Variants in DPP4 observed in about 807,000 individuals in gnomAD.
DPP4 encodes the protein ADCP-2.
DPP4 carries 93 observed loss-of-function variants against 122.4 expected under a neutral mutation model. That is an observed-to-expected ratio of 0.76 (90% CI 0.64 to 0.90). DPP4 has a LOEUF of 0.90. Ranked by LOEUF, DPP4 falls within the 40% of genes least tolerant of loss-of-function variation. DPP4 has a pLI of 0.00. For missense variants in DPP4, 914 were observed against 907.3 expected (o/e 1.01, Z -0.09); for synonymous variants, 321 against 302.9 (o/e 1.06, Z -0.62).
At chr2:161,998,137 C>G (rs562166856) in intron 23 of DPP4, among the ~76,000 whole-genome samples, 1 of 152,264 alleles carries the variant, frequency 6.6e-6, no homozygotes, top group East Asian at 1.9e-4. Context: ...TGTGACTACG[C>G]AAGTGACGTA....
chr2:162,019,900 C>T (rs1185416659), intron 14 of DPP4, among the ~76,000 whole-genome samples: 1 of 152,126 alleles, frequency 6.6e-6, no homozygotes, highest in Non-Finnish European at 1.5e-5. Context: ...CTTTCCAAGC[C>T]TTCCAAAAAA....
intron 2 of DPP4, among the ~76,000 whole-genome samples, chr2:162,057,761 C>T (rs1684624785): frequency 1.3e-5 from 2 of 152,092 alleles, no homozygotes; most frequent in South Asian, 4.2e-4. Flanking sequence ...AATCTCTCTG[C>T]TGAAATATCT....
At chr2:162,022,913 C>A in intron 11 of DPP4, 114 bp from the exon 12 acceptor site, 1 of 1,003,518 alleles carries the variant, frequency 1.0e-6, no homozygotes, top group South Asian at 1.3e-5. Flanking sequence ...AGAGCTATCT[C>A]CATTCATATA....
intron 9 of DPP4, among the ~76,000 whole-genome samples, chr2:162,033,893 T>TATATATATATATATATATAC (rs1491588211): frequency 1.4e-5 from 2 of 138,582 alleles, no homozygotes; most frequent in African/African-American, 5.5e-5. Context: ...TATATATATA[T>TATATATATATATATATATAC]ACACACTATA....
At chr2:162,008,989 T>A (rs1473357483) in intron 21 of DPP4, among the ~76,000 whole-genome samples, 1 of 151,938 alleles carries the variant, frequency 6.6e-6, no homozygotes, top group East Asian at 1.9e-4. Flanking sequence ...TCTCCCTCCT[T>A]CCTTCCCTTC....
At chr2:162,022,172 C>A (rs1256955782) in intron 12 of DPP4, among the ~76,000 whole-genome samples, 1 of 152,114 alleles carries the variant, frequency 6.6e-6, no homozygotes, top group East Asian at 1.9e-4. Flanking sequence ...TAATTCTGTG[C>A]AATGTGTATA....
At chr2:161,996,440 A>G (rs1026651826) in intron 23 of DPP4, among the ~76,000 whole-genome samples, 2 of 152,212 alleles carry the variant, frequency 1.3e-5, no homozygotes, top group African/African-American at 4.8e-5. Flanking sequence ...ATATCTCTGT[A>G]GCTCATATCA....
At position 162,016,863 on chromosome 2, in the gene DPP4, A is replaced by G; in HGVS notation, c.1472T>C (p.Leu491Pro). The G allele has an allele frequency of 6.2e-7, 1 of 1,609,228 alleles. No individual in the cohort carries two copies. The highest frequency in any genetic ancestry group is 8.5e-7 in the Non-Finnish European group (1 of 1,178,632). ...TLHSSVNDKGLRVLEDNSALD... is the reference protein window; with the variant it reads ...TLHSSVNDKGPRVLEDNSALD... ...AGCTGAATTGTCTTCCAGGACTCTC[A>G]GCCCTAAAGAAATACAGGAGACAGC... Residue 491 changes from leucine (L) to proline (P), a missense_variant, in exon 18 of 26, where the codon CTG (leucine) becomes CCG (proline). Coordinates refer to ENST00000360534, the MANE Select transcript of DPP4 (RefSeq NM_001935.4).
chr2:162,023,581 G>A (rs755541945), intron 11 of DPP4, among the ~76,000 whole-genome samples: 4 of 152,200 alleles, frequency 2.6e-5, no homozygotes, highest in East Asian at 3.9e-4. Context: ...CTCAGCACAC[G>A]GCAACTTACC....
At chr2:162,059,951 C>A (rs896269556) in intron 2 of DPP4, among the ~76,000 whole-genome samples, 9 of 152,134 alleles carry the variant, frequency 5.9e-5, no homozygotes, top group Non-Finnish European at 1.2e-4. Flanking sequence ...GACTTTCAAC[C>A]CACTTATTCT....
intron 5 of DPP4, among the ~76,000 whole-genome samples, chr2:162,041,152 AAAT>A (rs1255198689): frequency 2.0e-5 from 3 of 152,174 alleles, no homozygotes; most frequent in African/African-American, 7.2e-5. Flanking sequence ...AGAAGGGAAG[AAAT>A]AAGACCGAAG....
At chr2:162,008,702 T>C (rs1311337709) in intron 21 of DPP4, 41 bp from the exon 22 acceptor site, 1 of 1,536,882 alleles carries the variant, frequency 6.5e-7, no homozygotes, top group South Asian at 1.1e-5. Context: ...GGTAAAAGAA[T>C]AAGGACATAT....
At chr2:162,059,926 G>T (rs1684704504) in intron 2 of DPP4, among the ~76,000 whole-genome samples, 2 of 152,182 alleles carry the variant, frequency 1.3e-5, no homozygotes, top group African/African-American at 4.8e-5. Context: ...TTGCTGGGTT[G>T]TTCTAGGCAA....
intron 16 of DPP4, 144 bp from the exon 17 acceptor site, chr2:162,017,299 T>G: frequency 1.5e-6 from 1 of 668,972 alleles, no homozygotes; most frequent in Non-Finnish European, 2.5e-6. Context: ...GTTTAATACA[T>G]GTTAGCTGTT....
intron 23 of DPP4, among the ~76,000 whole-genome samples, chr2:162,000,240 G>T (rs115952114): frequency 6.6e-6 from 1 of 152,184 alleles, no homozygotes; most frequent in Non-Finnish European, 1.5e-5. Context: ...ATTAAATGAT[G>T]CCATTTTGGG....
At chr2:162,053,743 C>T (rs1342992776) in intron 2 of DPP4, among the ~76,000 whole-genome samples, 3 of 152,244 alleles carry the variant, frequency 2.0e-5, no homozygotes, top group Non-Finnish European at 4.4e-5. Flanking sequence ...TCATGTGGTG[C>T]TAATTCTGCA....
intron 23 of DPP4, among the ~76,000 whole-genome samples, chr2:162,004,592 C>CAG: frequency 6.6e-6 from 1 of 151,898 alleles, no homozygotes; most frequent in Middle Eastern, 3.4e-3. Context: ...CCTGCACACA[C>CAG]ACACACACAC....
intron 2 of DPP4, among the ~76,000 whole-genome samples, chr2:162,049,281 G>A (rs933527434): frequency 1.3e-5 from 2 of 152,122 alleles, no homozygotes; most frequent in African/African-American, 2.4e-5. Flanking sequence ...CATACACCAC[G>A]GAATACTATG....
At chr2:162,070,100 T>G (rs1374803839) in intron 2 of DPP4, among the ~76,000 whole-genome samples, 1 of 152,214 alleles carries the variant, frequency 6.6e-6, no homozygotes, top group Non-Finnish European at 1.5e-5. Context: ...CATACAAGTA[T>G]TTTTACGTAT....
Sources: allele counts gnomAD v4.1 joint callset (sites outside exome capture counted in the v4.1 genomes callset), GRCh38; gene constraint gnomAD v4.1.1; transcripts MANE v1.5; gene names NCBI Gene and HGNC (gene_info 2026-07-23, HGNC 2026-07-21).